Variants in NDUFA11 observed in about 807,000 individuals in gnomAD.
The protein encoded by NDUFA11 is NADH:ubiquinone oxidoreductase subunit A11, also known as NADH dehydrogenase [ubiquinone] 1 alpha subcomplex subunit 11.
In NDUFA11, 14 loss-of-function variants were observed where a neutral mutation model predicts 11.3. That is an observed-to-expected ratio of 1.24 (90% CI 0.82 to 1.94). The LOEUF (loss-of-function observed/expected upper bound fraction) is 1.94, where lower values mean the gene tolerates loss of function less well. NDUFA11 is among the 30% of genes most tolerant of loss of function. The pLI is 0.00. For missense variants in NDUFA11, 204 were observed against 200.3 expected (o/e 1.02, Z -0.11); for synonymous variants, 87 against 85.6 (o/e 1.02, Z -0.09).
chr19:5,901,736 C>G (rs2057647002), intron 1 of NDUFA11, among the ~76,000 whole-genome samples: 1 of 151,370 alleles, frequency 6.6e-6, no homozygotes, highest in African/African-American at 2.4e-5. Flanking sequence ...GAGGCGCAAT[C>G]TCGGCTCACT....
At position 5,896,699 on chromosome 19, in the gene NDUFA11, C is replaced by A; in HGVS notation, c.191-124G>T. 1 of 1,424,704 alleles carries A rather than the reference C, an allele frequency of 7.0e-7. No homozygotes were observed. Among genetic ancestry groups the A allele is most frequent in the Non-Finnish European group, 9.6e-7 (1 of 1,036,542 alleles). The allele number at this position is 1,424,704 out of a possible 1,614,324, so 88.3% of individuals were successfully genotyped here. A position where few individuals can be genotyped will look rare whatever the true frequency, so the allele number is the denominator to read the frequency against. Reference sequence around the variant, plus strand: ...GTCGGCTGCTCGCTGTGCATGGCAGCCTCCTGGCCCCAGTCCTGGAGCTGT... The same window carrying A: ...GTCGGCTGCTCGCTGTGCATGGCAGACTCCTGGCCCCAGTCCTGGAGCTGT... On this transcript the variant is annotated intron_variant, in intron 2 of 3. Transcript: ENST00000308961. The surrounding 1 kb of genome is among the most constrained non-coding windows in gnomAD (Gnocchi z 5.8).
intron 1 of NDUFA11, 67 bp downstream of exon 1, chr19:5,903,545 C>T (rs1157659700): frequency 1.4e-6 from 2 of 1,436,422 alleles, no homozygotes; most frequent in East Asian, 2.5e-5. Flanking sequence ...ATCCAAACAG[C>T]CCCCAGTAAC....
Position 5,903,700 on chromosome 19 carries a change from C to A in NDUFA11, c.9G>T (p.Pro3=). The A allele has an allele frequency of 6.4e-7, 1 of 1,551,516 alleles. No individual in the cohort carries two copies. The highest frequency in any genetic ancestry group is 8.7e-7 in the Non-Finnish European group (1 of 1,146,906). MA[P]KVFRQYWDIP... ...TATCCCAGTACTGACGAAAAACCTTCGGCGCCATAGCCCGCAATCTCGATC... is the reference window on the plus strand; with the variant it reads ...TATCCCAGTACTGACGAAAAACCTTAGGCGCCATAGCCCGCAATCTCGATC... The change falls in exon 1 of 4, where the codon CCG becomes CCT. Residue 3 remains proline (P), a synonymous_variant. Transcript: ENST00000308961.
intron 1 of NDUFA11, chr19:5,901,462 A>G: frequency 1.6e-6 from 2 of 1,286,066 alleles, no homozygotes; most frequent in Non-Finnish European, 2.0e-6. Flanking sequence ...TACCTGTAAG[A>G]AATGGAGACA....
In NDUFA11 at chr19:5,896,335, CAAG is replaced by C. The variant is rs1009545358; in HGVS notation, c.313+115_313+117del. 2 of 1,230,770 alleles carry C rather than the reference CAAG, an allele frequency of 1.6e-6. No homozygotes were observed. Among genetic ancestry groups the C allele is most frequent in the African/African-American group, 3.0e-5 (2 of 65,730 alleles). The allele number at this position is 1,230,770 out of a possible 1,614,324, so 76.2% of individuals were successfully genotyped here. A position where few individuals can be genotyped will look rare whatever the true frequency, so the allele number is the denominator to read the frequency against. On this transcript the variant is annotated intron_variant, in intron 3 of 3. Coordinates refer to ENST00000308961, the MANE Select transcript of NDUFA11 (RefSeq NM_175614.5). The surrounding 1 kb of genome is among the most constrained non-coding windows in gnomAD (Gnocchi z 5.8). Reference sequence around the variant, plus strand: ...CGCTATGACTGAAATGGCTGGTGTTCAAGAAGGCTGCTTTACTTCTTGTCCGGG... The same window carrying C: ...CGCTATGACTGAAATGGCTGGTGTTCAAGGCTGCTTTACTTCTTGTCCGGG...
At chr19:5,894,511 C>A (rs545394202), downstream of NDUFA11, among the ~76,000 whole-genome samples, 1 of 152,206 alleles carries the variant, frequency 6.6e-6, no homozygotes, top group Admixed American at 6.5e-5. Flanking sequence ...CAGCCTGATG[C>A]ACTACCAGTT....
chr19:5,893,072 A>G, downstream of NDUFA11: 1 of 1,536,070 alleles, frequency 6.5e-7, no homozygotes, highest in Non-Finnish European at 8.7e-7. This position sits in a 1 kb window ranked among gnomAD's most constrained non-coding sequence, Gnocchi z 4.1. Flanking sequence ...AGTGGACGTG[A>G]CCCTGAGCTG....
In NDUFA11 at chr19:5,896,320, G is replaced by A. The variant is rs1372535111; in HGVS notation, c.313+133C>T. The stretch of plus-strand genomic sequence containing the variant: ...AGCAGCAGCAGCTGTCGCTATGACT[G>A]AAATGGCTGGTGTTCAAGAAGGCTG... On this transcript the variant is annotated intron_variant, in intron 3 of 3. Transcript: ENST00000308961. This position sits in a 1 kb window ranked among gnomAD's most constrained non-coding sequence, Gnocchi z 5.8. 3 of 1,087,516 alleles carry A rather than the reference G, an allele frequency of 2.8e-6. No homozygotes were observed. Among genetic ancestry groups the A allele is most frequent in the African/African-American group, 3.1e-5 (2 of 63,548 alleles). The allele number at this position is 1,087,516 out of a possible 1,614,324, so 67.4% of individuals were successfully genotyped here. A position where few individuals can be genotyped will look rare whatever the true frequency, so the allele number is the denominator to read the frequency against.
At chr19:5,892,675 G>A (rs1047325424), downstream of NDUFA11, 25 of 414,184 alleles carry the variant, frequency 6.0e-5, no homozygotes, top group African/African-American at 4.3e-4. Context: ...GGGGATGACC[G>A]CCCGGGTCCA....
chr19:5,898,105 G>A (rs368769606), intron 1 of NDUFA11, among the ~76,000 whole-genome samples: 11 of 152,302 alleles, frequency 7.2e-5, no homozygotes, highest in Middle Eastern at 6.8e-3. Context: ...GCTCAGTCCC[G>A]TTATCCCCTC....
chr19:5,901,830 C>T (rs1330781991), intron 1 of NDUFA11, among the ~76,000 whole-genome samples: 1 of 151,406 alleles, frequency 6.6e-6, no homozygotes, highest in East Asian at 1.9e-4. Flanking sequence ...CCACCACGCC[C>T]GGCTAATTTT....
downstream of NDUFA11, chr19:5,892,576 A>C: frequency 4.7e-6 from 1 of 212,504 alleles, no homozygotes; most frequent in Non-Finnish European, 9.5e-6. Context: ...GATGCATGGG[A>C]AGGAAGGGGG....
rs572481962 is a variant in NDUFA11, at chr19:5,903,758, C to T, written c.-50G>A. Reference sequence around the variant, plus strand: ...ACGGACCCCGCCAGCTCGGGAAGCGCAAGGGCAGCCGCGGCTGGCTATCGC... The same window carrying T: ...ACGGACCCCGCCAGCTCGGGAAGCGTAAGGGCAGCCGCGGCTGGCTATCGC... On this transcript the variant is annotated 5_prime_UTR_variant, in exon 1 of 4. Transcript: ENST00000308961. 6.5e-7 allele frequency: 1 copy of T among 1,533,314 alleles called. No homozygotes were observed. Among genetic ancestry groups the T allele is most frequent in the South Asian group, 1.2e-5 (1 of 83,696 alleles). 95.0% of individuals were successfully genotyped at this position (1,533,314 alleles called of 1,614,324 possible). A position where few individuals can be genotyped will look rare whatever the true frequency, so the allele number is the denominator to read the frequency against.
Position 5,896,149 on chromosome 19 carries a change from A to G in NDUFA11, c.313+304T>C. On this transcript the variant is annotated intron_variant, in intron 3 of 3. Coordinates refer to ENST00000308961, the MANE Select transcript of NDUFA11 (RefSeq NM_175614.5). The surrounding 1 kb of genome is among the most constrained non-coding windows in gnomAD (Gnocchi z 5.8). ...AGGGGAACAGCATTCCACGCAGTGC[A>G]CTGCCCATGCAAAGGCCCTGGGGCA... The G allele has an allele frequency of 1.7e-6, 1 of 587,786 alleles. No homozygotes were observed. 36.4% of individuals were successfully genotyped at this position (587,786 alleles called of 1,614,324 possible).
chr19:5,900,922 A>AG (rs1488470508), intron 1 of NDUFA11, among the ~76,000 whole-genome samples: 24 of 151,534 alleles, frequency 1.6e-4, no homozygotes, highest in Non-Finnish European at 3.5e-4. Flanking sequence ...AAAAAAAAAA[A>AG]AAAAAGAAAA....
At position 5,896,744 on chromosome 19, in the gene NDUFA11, CTACATGT is replaced by C. The variant is rs901204607; in HGVS notation, c.190+154_190+160del. 3.3e-5 allele frequency: 40 copies of C among 1,200,732 alleles called. No homozygotes were observed. The highest frequency in any genetic ancestry group is 5.5e-5 in the Admixed American group (3 of 54,708). The allele number at this position is 1,200,732 out of a possible 1,614,324, so 74.4% of individuals were successfully genotyped here. On this transcript the variant is annotated intron_variant, in intron 2 of 3. Coordinates refer to ENST00000308961, the MANE Select transcript of NDUFA11 (RefSeq NM_175614.5). The surrounding 1 kb of genome is among the most constrained non-coding windows in gnomAD (Gnocchi z 5.8). ...AGCTGTTCTCCTGGGCCTCCCCACC[CTACATGT>C]ATTCCTGATAAAGGAACACCCCACT... is the stretch of plus-strand genomic sequence containing the variant.
chr19:5,894,679 C>T lies in NDUFA11; in HGVS notation c.*63G>A, dbSNP rs749166288. On this transcript the variant is annotated 3_prime_UTR_variant, in exon 4 of 4. Coordinates refer to ENST00000308961, the MANE Select transcript of NDUFA11 (RefSeq NM_175614.5). ...CAAGCCCTCCGGACACTGACACACA[C>T]ACAGACACAGAATTTATTTCTGGAC... 6.3e-5 allele frequency: 99 copies of T among 1,579,074 alleles called. No homozygotes were observed. The highest frequency in any genetic ancestry group is 8.2e-5 in the Non-Finnish European group (95 of 1,163,236).
At position 5,901,003 on chromosome 19, in the gene NDUFA11, C is replaced by T. The variant is rs192110442; in HGVS notation, c.97+2609G>A. Among the ~76,000 whole-genome samples, 485 of 152,046 alleles carry T rather than the reference C, an allele frequency of 3.2e-3. 2 individuals carry two copies. The highest frequency in any genetic ancestry group is 3.9e-3 in the Non-Finnish European group (268 of 67,996). On this transcript the variant is annotated intron_variant, in intron 1 of 3. Transcript: ENST00000308961. ...CCCCGGGGCACCCTTGGAGGGCTCA[C>T]AGAAGCCACTGAGCACCCCTAAATC... is the stretch of plus-strand genomic sequence containing the variant.
chr19:5,894,853 C>T lies in NDUFA11; in HGVS notation c.315G>A (p.Thr105=), dbSNP rs773553089. 20 of 1,602,134 alleles carry T rather than the reference C, an allele frequency of 1.2e-5. No individual in the cohort carries two copies. The highest frequency in any genetic ancestry group is 4.0e-5 in the African/African-American group (3 of 74,616). ...CAGGLTLGAR[T]HNYGIGAAAC... ...CGGCGGCGCCAATCCCGTAGTTGTG[C>T]GCTGTGGGAGTGGGGAGGTGATGTC... The change falls in exon 4 of 4, where the codon ACG becomes ACA. Residue 105 remains threonine (T), a splice_region_variant and synonymous_variant. Transcript: ENST00000308961.
Sources: allele counts gnomAD v4.1 joint callset (sites outside exome capture counted in the v4.1 genomes callset), GRCh38; gene constraint gnomAD v4.1.1; non-coding constraint Gnocchi (gnomAD v3.1); transcripts MANE v1.5; gene names NCBI Gene and HGNC (gene_info 2026-07-23, HGNC 2026-07-21).